MFSD8: variants seen among roughly 807,000 people sequenced by gnomAD.
The protein encoded by MFSD8 is major facilitator superfamily domain-containing protein 8.
MFSD8 carries 55 observed loss-of-function variants against 66.4 expected under a neutral mutation model. The ratio of observed to expected loss-of-function variants is 0.83; its 90% CI spans 0.67 to 1.04. MFSD8 has a LOEUF of 1.04. Among genes scored for constraint, MFSD8 ranks in the 50% least tolerant of loss-of-function variants. The pLI is 0.00. For missense variants in MFSD8, 550 were observed against 627.6 expected (o/e 0.88, Z 1.32); for synonymous variants, 202 against 212.8 (o/e 0.95, Z 0.44).
chr4:127,930,872 T>G, intron 8 of MFSD8, 55 bp from the exon 9 acceptor site: 1 of 1,510,428 alleles, frequency 6.6e-7, no homozygotes. Flanking sequence ...CTGTTATACT[T>G]AAAGTGAAGT....
In MFSD8 at chr4:127,942,057, T is replaced by G. The variant is rs770057458; in HGVS notation, c.541A>C (p.Ile181Leu). ...GAAGAACACCTACCTGGACCTAGAA[T>G]AAAACCTAATGCTTGACACATGCTT... The part of the protein sequence containing the change: ...NISMCQALGF[I>L]LGPVFQTCFT... Residue 181 changes from isoleucine to leucine, a missense_variant, in exon 5 of 12, where the codon ATT (isoleucine) becomes CTT (leucine). By Grantham distance (5) the Ile-to-Leu change is conservative (BLOSUM62 2). Transcript: ENST00000641686. The G allele has an allele frequency of 6.2e-7, 1 of 1,613,678 alleles. No individual in the cohort carries two copies. Among genetic ancestry groups the G allele is most frequent in the Admixed American group, 1.7e-5 (1 of 60,020 alleles).
intron 5 of MFSD8, 127 bp downstream of exon 5, chr4:127,941,918 A>T (rs189416334): frequency 6.4e-4 from 481 of 746,298 alleles, no homozygotes; most frequent in Admixed American, 1.2e-3. Context: ...TCCTGGATTA[A>T]AAAAAAAATT....
chr4:127,931,759 G>T (rs1434449226), intron 8 of MFSD8, among the ~76,000 whole-genome samples: 1 of 152,158 alleles, frequency 6.6e-6, no homozygotes, highest in African/African-American at 2.4e-5. Context: ...AGTGGTCATG[G>T]TTGTACAACA....
At chr4:127,962,156 A>G (rs563460704) in intron 1 of MFSD8, among the ~76,000 whole-genome samples, 3 of 152,204 alleles carry the variant, frequency 2.0e-5, no homozygotes, top group Non-Finnish European at 4.4e-5. Flanking sequence ...GTAAGTACTT[A>G]AAAAGTATAG....
intron 9 of MFSD8, among the ~76,000 whole-genome samples, chr4:127,924,082 T>C (rs1279606981): frequency 1.3e-5 from 2 of 152,128 alleles, no homozygotes; most frequent in Non-Finnish European, 2.9e-5. Flanking sequence ...ATGGAAACTT[T>C]GTACCTCCAG....
chr4:127,932,877 T>G, intron 8 of MFSD8, 108 bp downstream of exon 8: 1 of 887,666 alleles, frequency 1.1e-6, no homozygotes, highest in Non-Finnish European at 1.7e-6. Context: ...TAAGAAAAAT[T>G]TGCCTTACAT....
rs112022826 is a variant in MFSD8 at position 127,950,543 on chromosome 4, A to G, written c.155-696T>C. Among the ~76,000 whole-genome samples, 248 of 152,066 alleles carry G rather than the reference A, an allele frequency of 1.6e-3. 1 individual carries two copies. Among genetic ancestry groups the G allele is most frequent in the Non-Finnish European group, 2.5e-3 (170 of 67,968 alleles). On this transcript the variant is annotated intron_variant, in intron 2 of 11. Coordinates refer to ENST00000641686, the MANE Select transcript of MFSD8 (RefSeq NM_001371596.2). Reference sequence around the variant, plus strand: ...TGTCTCTACTAAAAATATAAAAATTAGCCGGGCATGGTGGCACATGCCTGT... The same window carrying G: ...TGTCTCTACTAAAAATATAAAAATTGGCCGGGCATGGTGGCACATGCCTGT...
chr4:127,955,383 A>T (rs1742671981), intron 2 of MFSD8, among the ~76,000 whole-genome samples: 1 of 152,034 alleles, frequency 6.6e-6, no homozygotes. Context: ...TCTACTAAAA[A>T]TACAAAAATT....
Position 127,920,566 on chromosome 4 carries a change from C to T in MFSD8, c.*64G>A, listed in dbSNP as rs1736197899. On this transcript the variant is annotated 3_prime_UTR_variant, in exon 12 of 12. Transcript: ENST00000641686. Reference sequence around the variant, plus strand: ...TTGGAGACTGGCTCACCGCAATTGTCTAGCAGAGCTTTAGACCAGGAAGTG... The same window carrying T: ...TTGGAGACTGGCTCACCGCAATTGTTTAGCAGAGCTTTAGACCAGGAAGTG... 6.5e-7 allele frequency: 1 copy of T among 1,540,992 alleles called. No homozygotes were observed. Among genetic ancestry groups the T allele is most frequent in the Middle Eastern group, 1.7e-4 (1 of 5,918 alleles).
chr4:127,959,431 G>A (rs1215892084), intron 1 of MFSD8, among the ~76,000 whole-genome samples: 2 of 151,836 alleles, frequency 1.3e-5, no homozygotes, highest in Non-Finnish European at 2.9e-5. Context: ...GTATATTTTT[G>A]GAACAATTGG....
At chr4:127,944,459 CAA>C (rs1292729944) in intron 3 of MFSD8, among the ~76,000 whole-genome samples, 1 of 151,968 alleles carries the variant, frequency 6.6e-6, no homozygotes, top group African/African-American at 2.4e-5. Context: ...AATAAAAACA[CAA>C]AAGATGATAG....
intron 4 of MFSD8, among the ~76,000 whole-genome samples, chr4:127,942,505 G>A (rs1740354623): frequency 6.6e-6 from 1 of 151,970 alleles, no homozygotes; most frequent in African/African-American, 2.4e-5. Flanking sequence ...AGACCAGCCT[G>A]GCCAACACGG....
chr4:127,933,834 A>G (rs1163001193), intron 7 of MFSD8: 1 of 152,182 alleles, frequency 6.6e-6, no homozygotes, highest in Non-Finnish European at 1.5e-5. Context: ...GGTTTATTAA[A>G]TCAGTTCCCA....
chr4:127,921,904 A>AT lies in MFSD8; in HGVS notation c.1057dup (p.Ile353AsnfsTer20). 1 of 1,614,192 alleles carries AT rather than the reference A, an allele frequency of 6.2e-7. No homozygotes were observed. Among genetic ancestry groups the AT allele is most frequent in the Non-Finnish European group, 8.5e-7 (1 of 1,180,038 alleles). ...AAATTGATTTCCCCAAGGTAACAAGATAAAGAAGCCAACCCATACAACGAT... is the reference window on the plus strand; with the variant it reads ...AAATTGATTTCCCCAAGGTAACAAGATTAAAGAAGCCAACCCATACAACGAT... On this transcript the variant is annotated frameshift_variant, in exon 10 of 12. Coordinates refer to ENST00000641686, the MANE Select transcript of MFSD8 (RefSeq NM_001371596.2). LOFTEE classifies it high-confidence loss of function.
chr4:127,926,974 A>G (rs1403824205), intron 9 of MFSD8, among the ~76,000 whole-genome samples: 1 of 152,234 alleles, frequency 6.6e-6, no homozygotes, highest in Admixed American at 6.5e-5. Flanking sequence ...AATCAGCCAC[A>G]TGATCACAAA....
chr4:127,940,008 T>C lies in MFSD8; in HGVS notation c.554-11A>G. 6.2e-7 allele frequency: 1 copy of C among 1,609,564 alleles called. No homozygotes were observed. The stretch of plus-strand genomic sequence containing the variant: ...AACAAGTCTGAAAAACTTATTAAGA[T>C]AAAATTTTCACAGATGAATTATTAT... On this transcript the variant is annotated splice_polypyrimidine_tract_variant and intron_variant, in intron 5 of 11. Transcript: ENST00000641686.
intron 1 of MFSD8, among the ~76,000 whole-genome samples, chr4:127,962,697 A>C (rs748782226): frequency 6.6e-6 from 1 of 152,150 alleles, no homozygotes; most frequent in Non-Finnish European, 1.5e-5. Context: ...ATAGCAGTGT[A>C]AAATAAATTG....
intron 2 of MFSD8, among the ~76,000 whole-genome samples, chr4:127,952,403 C>CA (rs914220975): frequency 3.3e-5 from 5 of 149,796 alleles, no homozygotes; most frequent in Admixed American, 6.6e-5. Context: ...GACTCTGTCT[C>CA]AAAAAAAATA....
chr4:127,927,335 C>A (rs1737377559), intron 9 of MFSD8, among the ~76,000 whole-genome samples: 1 of 152,116 alleles, frequency 6.6e-6, no homozygotes, highest in Non-Finnish European at 1.5e-5. Flanking sequence ...GCCACCACAC[C>A]CAGCTAATTT....
Sources: allele counts gnomAD v4.1 joint callset (sites outside exome capture counted in the v4.1 genomes callset), GRCh38; gene constraint gnomAD v4.1.1; transcripts MANE v1.5; gene names NCBI Gene and HGNC (gene_info 2026-07-23, HGNC 2026-07-21).